Variants in DNAH1 observed in about 807,000 individuals in gnomAD.
The protein encoded by DNAH1 is axonemal beta dynein heavy chain 1.
A neutral mutation model predicts 484.3 loss-of-function variants in DNAH1; 327 were observed. The ratio of observed to expected loss-of-function variants is 0.68; its 90% CI spans 0.62 to 0.74. The LOEUF (loss-of-function observed/expected upper bound fraction) is 0.74, where lower values mean the gene tolerates loss of function less well. Among genes scored for constraint, DNAH1 ranks in the 30% least tolerant of loss-of-function variants. DNAH1 has a pLI of 0.00. For missense variants in DNAH1, 5,052 were observed against 5,546.8 expected (o/e 0.91, Z 2.83); for synonymous variants, 2,192 against 2,191.9 (o/e 1.00, Z 0.00).
intron 46 of DNAH1, among the ~76,000 whole-genome samples, chr3:52,377,274 G>A (rs1013041271): frequency 5.9e-5 from 9 of 152,066 alleles, no homozygotes; most frequent in Non-Finnish European, 1.0e-4. Context: ...CCAGCAAGAC[G>A]GGGTCTTGGC....
chr3:52,347,798 C>T, intron 11 of DNAH1, 26 bp from the exon 12 acceptor site: 1 of 1,550,284 alleles, frequency 6.5e-7, no homozygotes. Context: ...GGCCTCTGCC[C>T]ACAGTCAGCT....
intron 22 of DNAH1, 143 bp from the exon 23 acceptor site, chr3:52,357,471 C>A: frequency 9.1e-7 from 1 of 1,096,376 alleles, no homozygotes; most frequent in Non-Finnish European, 1.3e-6. Flanking sequence ...GTTGCAGCCA[C>A]TGGCTCAGGG....
At chr3:52,370,886 C>G in intron 41 of DNAH1, 61 bp downstream of exon 41, 3 of 1,505,780 alleles carry the variant, frequency 2.0e-6, no homozygotes, top group Non-Finnish European at 2.7e-6. Flanking sequence ...CTGCTGTTCC[C>G]GCAATGAATT....
At chr3:52,346,223 C>G (rs1702135715) in intron 10 of DNAH1, among the ~76,000 whole-genome samples, 1 of 152,200 alleles carries the variant, frequency 6.6e-6, no homozygotes, top group Non-Finnish European at 1.5e-5. Context: ...AGGGAAAGTC[C>G]TGCTTCTGCT....
At chr3:52,324,950 C>T (rs1398814118) in intron 3 of DNAH1, among the ~76,000 whole-genome samples, 1 of 152,204 alleles carries the variant, frequency 6.6e-6, no homozygotes, top group East Asian at 1.9e-4. Context: ...TGCCCCGGCC[C>T]GCGGACGCAG....
In DNAH1 at chr3:52,388,951, A is replaced by G; in HGVS notation, c.9495+14A>G. The G allele has an allele frequency of 1.3e-6, 2 of 1,578,820 alleles. No individual in the cohort carries two copies. Among genetic ancestry groups the G allele is most frequent in the Non-Finnish European group, 1.7e-6 (2 of 1,159,500 alleles). ...GGCCCCTTCACGGTAAGAAGTCCCC[A>G]CCTCTGTCTCTGACCAGCCTCGCCT... On this transcript the variant is annotated intron_variant, in intron 59 of 77. Transcript: ENST00000420323.
rs764075520 is a variant in DNAH1 at position 52,349,375 on chromosome 3, C to T, written c.2481C>T (p.Ser827=). The T allele has an allele frequency of 5.6e-6, 9 of 1,613,888 alleles. No individual in the cohort carries two copies. The highest frequency in any genetic ancestry group is 2.7e-5 in the African/African-American group (2 of 74,944). Residue 827 remains serine (S), a synonymous_variant, in exon 14 of 78, where the codon TCC becomes TCT. Transcript: ENST00000420323. ...LSKKRKALAT[S]VLDILAKNLH... Reference sequence around the variant, plus strand: ...AGAAACGCAAGGCCCTGGCCACTTCCGTGCTGGACATCCTTGCCAAGAACC... The same window carrying T: ...AGAAACGCAAGGCCCTGGCCACTTCTGTGCTGGACATCCTTGCCAAGAACC...
chr3:52,373,951 G>T, intron 44 of DNAH1: 2 of 1,261,408 alleles, frequency 1.6e-6, no homozygotes. Flanking sequence ...GAAGCAGGCT[G>T]GCTTCATCTA....
intron 27 of DNAH1, 114 bp from the exon 28 acceptor site, chr3:52,360,197 G>T (rs1702796881): frequency 6.6e-7 from 1 of 1,519,862 alleles, no homozygotes; most frequent in Admixed American, 1.8e-5. Context: ...GGACAAGCTG[G>T]GTATGGGTAC....
intron 45 of DNAH1, 91 bp downstream of exon 45, chr3:52,375,504 T>C: frequency 4.1e-6 from 6 of 1,448,902 alleles, no homozygotes; most frequent in Non-Finnish European, 5.6e-6. Flanking sequence ...CCAGAAAGGG[T>C]GGAGTGGCCA....
At chr3:52,363,320 A>G (rs1702941625) in intron 32 of DNAH1, among the ~76,000 whole-genome samples, 176 bp downstream of exon 32, 1 of 152,256 alleles carries the variant, frequency 6.6e-6, no homozygotes, top group Non-Finnish European at 1.5e-5. Context: ...AGCTGAGGAC[A>G]CCGAGGTCCT....
chr3:52,373,443 A>C (rs1283560893), intron 44 of DNAH1, among the ~76,000 whole-genome samples: 1 of 152,262 alleles, frequency 6.6e-6, no homozygotes, highest in East Asian at 1.9e-4. Flanking sequence ...AGCAGGGAAG[A>C]GTGGAAAAAG....
Position 52,386,828 on chromosome 3 carries a change from T to A in DNAH1, c.8978T>A (p.Leu2993His). Residue 2993 changes from leucine (L) to histidine (H), a missense_variant, in exon 56 of 78, where the codon CTT becomes CAT. By Grantham distance (99) the Leu-to-His change is moderately conservative (BLOSUM62 -3). Transcript: ENST00000420323. ...KGLLQDPGHF[L>H]ESLFKFDKDN... ...CTGCTGCAGGACCCGGGCCACTTCC[T>A]TGAGAGCCTCTTCAAGTTTGACAAG... The A allele has an allele frequency of 6.3e-7, 1 of 1,581,610 alleles. No individual in the cohort carries two copies. The highest frequency in any genetic ancestry group is 8.6e-7 in the Non-Finnish European group (1 of 1,164,948).
At position 52,391,253 on chromosome 3, in the gene DNAH1, C is replaced by T. The variant is rs1332300617; in HGVS notation, c.9816C>T (p.Arg3272=). 1.2e-6 allele frequency: 2 copies of T among 1,613,600 alleles called. No individual in the cohort carries two copies. Among genetic ancestry groups the T allele is most frequent in the East Asian group, 2.2e-5 (1 of 44,872 alleles). The change falls in exon 62 of 78, where the codon CGC becomes CGT. Residue 3272 remains arginine (R), a synonymous_variant. Coordinates refer to ENST00000420323, the MANE Select transcript of DNAH1 (RefSeq NM_015512.5). ...DFLRSMENAI[R]FGKPCLLENV... ...TGCGCAGCATGGAGAACGCCATCCG[C>T]TTTGGCAAGCCATGTCTCCTGGAGA...
intron 16 of DNAH1, 39 bp from the exon 17 acceptor site, chr3:52,351,923 C>T (rs370345520): frequency 2.8e-5 from 45 of 1,583,422 alleles, no homozygotes; most frequent in African/African-American, 8.1e-5. Flanking sequence ...CCACTTCAGC[C>T]GCGATATTTC....
rs1003455271 is a variant in DNAH1, at chr3:52,364,788, G to A, written c.5332-45G>A. 2 of 1,607,084 alleles carry A rather than the reference G, an allele frequency of 1.2e-6. No individual in the cohort carries two copies. The highest frequency in any genetic ancestry group is 2.2e-5 in the South Asian group (2 of 90,228). On this transcript the variant is annotated intron_variant, in intron 33 of 77. Transcript: ENST00000420323. This position sits in a 1 kb window ranked among gnomAD's most constrained non-coding sequence, Gnocchi z 4.2. ...GGGAGGGCTCCTGGGCAGCTGGAGG[G>A]CAGCTGGCCCACTGCCCTGAAGGCT...
At chr3:52,394,354 A>C (rs984785804) in intron 66 of DNAH1, 111 bp from the exon 67 acceptor site, 3 of 1,018,870 alleles carry the variant, frequency 2.9e-6, no homozygotes, top group Non-Finnish European at 4.3e-6. Flanking sequence ...CCCAAGGGAG[A>C]CTCAGTTTCT....
rs1703290844 is a variant in DNAH1 at position 52,370,562 on chromosome 3, T to G, written c.6344T>G (p.Val2115Gly). 2.5e-6 allele frequency: 4 copies of G among 1,613,876 alleles called. No homozygotes were observed. Among genetic ancestry groups the G allele is most frequent in the Non-Finnish European group, 2.5e-6 (3 of 1,179,844 alleles). The change falls in exon 40 of 78, where the codon GTG becomes GGG. Residue 2115 changes from valine to glycine, a missense_variant. By Grantham distance (109) the Val-to-Gly change is moderately radical (BLOSUM62 -3). Transcript: ENST00000420323. ...PWFIFSLIWS[V>G]GATGDSSGRT... ...TTCATCTTCTCCCTGATCTGGAGCGTGGGTGCCACTGGGGACAGCAGTGGC... is the reference window on the plus strand; with the variant it reads ...TTCATCTTCTCCCTGATCTGGAGCGGGGGTGCCACTGGGGACAGCAGTGGC...
rs1187391378 is a variant in DNAH1, at chr3:52,344,515, G to A, written c.1312G>A (p.Ala438Thr). ...GGTTCTAGAGCACCTCAGCAGTCTT[G>A]CCAGAGAAGTGAGCCTGGACTATGA... ...PSVLEHLSSL[A>T]REVSLDYERS... is the part of the protein sequence containing the mutation. The change falls in exon 9 of 78, where the codon GCC (alanine) becomes ACC (threonine). Residue 438 changes from alanine (A) to threonine (T), a missense_variant. Physicochemically the swap from Ala to Thr is moderately conservative, Grantham distance 58. Transcript: ENST00000420323. 1.2e-6 allele frequency: 2 copies of A among 1,613,898 alleles called. No individual in the cohort carries two copies. Among genetic ancestry groups the A allele is most frequent in the African/African-American group, 2.7e-5 (2 of 74,948 alleles).
Sources: allele counts gnomAD v4.1 joint callset (sites outside exome capture counted in the v4.1 genomes callset), GRCh38; gene constraint gnomAD v4.1.1; non-coding constraint Gnocchi (gnomAD v3.1); transcripts MANE v1.5; gene names NCBI Gene and HGNC (gene_info 2026-07-23, HGNC 2026-07-21).